The following WDR37 variants were observed in gnomAD, a reference collection of about 807,000 sequenced individuals.
WDR37 encodes WD repeat domain 37, also known as WD repeat-containing protein 37.
A neutral mutation model predicts 62.9 loss-of-function variants in WDR37; 19 were observed. The ratio of observed to expected loss-of-function variants is 0.30; its 90% CI spans 0.21 to 0.44. The LOEUF is 0.44. Among genes scored for constraint, WDR37 ranks in the 20% least tolerant of loss-of-function variants. The pLI is 1.00. For missense variants in WDR37, 474 were observed against 657.6 expected (o/e 0.72, Z 3.05); for synonymous variants, 250 against 260.9 (o/e 0.96, Z 0.40).
At chr10:1,079,881 A>G in intron 3 of WDR37, 130 bp from the exon 4 acceptor site, 1 of 684,526 alleles carries the variant, frequency 1.5e-6, no homozygotes, top group Non-Finnish European at 2.4e-6. Flanking sequence ...TGCTTATTAG[A>G]ATATTATTCA....
In WDR37 at chr10:1,103,346, G is replaced by A. The variant is rs144708892; in HGVS notation, c.727-256G>A. Among the ~76,000 whole-genome samples the A allele has an allele frequency of 2.0e-5, 3 of 152,222 alleles. No individual in the cohort carries two copies. The highest frequency in any genetic ancestry group is 4.4e-5 in the Non-Finnish European group (3 of 68,006). ...GATGCGTGGAAATAAATGGTAGTTC[G>A]GTTGACAATGTTGTGGATTCCACTT... On this transcript the variant is annotated intron_variant, in intron 9 of 13. Transcript: ENST00000263150. The surrounding 1 kb of genome is among the most constrained non-coding windows in gnomAD (Gnocchi z 6.3).
At chr10:1,120,418 G>C (rs1303238711) in intron 11 of WDR37, among the ~76,000 whole-genome samples, 2 of 152,216 alleles carry the variant, frequency 1.3e-5, no homozygotes, top group Non-Finnish European at 2.9e-5. Flanking sequence ...GGTGTCCTTT[G>C]GTTACTTACT....
chr10:1,086,792 T>C (rs1834216553), intron 7 of WDR37, among the ~76,000 whole-genome samples: 1 of 149,674 alleles, frequency 6.7e-6, no homozygotes, highest in Non-Finnish European at 1.5e-5. Flanking sequence ...GCTGTCCACG[T>C]AGTTAACGCT....
chr10:1,128,457 T>C (rs1354091302), intron 13 of WDR37, among the ~76,000 whole-genome samples: 1 of 152,288 alleles, frequency 6.6e-6, no homozygotes, highest in Non-Finnish European at 1.5e-5. Context: ...TAACTGGAAT[T>C]GCTGAAGATG....
intron 1 of WDR37, among the ~76,000 whole-genome samples, chr10:1,064,288 CAGAGCCTCA>C (rs1361894669): frequency 2.0e-5 from 3 of 152,042 alleles, no homozygotes; most frequent in African/African-American, 7.2e-5. Context: ...AAAAAGTGAG[CAGAGCCTCA>C]GGGGCCCGTG....
intron 2 of WDR37, among the ~76,000 whole-genome samples, chr10:1,073,725 C>T (rs867561326): frequency 1.3e-5 from 2 of 152,204 alleles, no homozygotes; most frequent in African/African-American, 4.8e-5. Flanking sequence ...CTAGTTCCTC[C>T]TGAGGCCTCT....
Position 1,105,706 on chromosome 10 carries a change from A to C in WDR37, c.1103+439A>C, listed in dbSNP as rs554949374. 4.4e-4 allele frequency among the ~76,000 whole-genome samples: 67 copies of C among 152,242 alleles called. No individual in the cohort carries two copies. Among genetic ancestry groups the C allele is most frequent in the African/African-American group, 1.6e-3 (65 of 41,562 alleles). ...TGGTATATTCTGGGAGAAGGTATAC[A>C]CATAGACGCGCAAACACAGACATAG... On this transcript the variant is annotated intron_variant, in intron 11 of 13. Coordinates refer to ENST00000263150, the MANE Select transcript of WDR37 (RefSeq NM_014023.4). This position sits in a 1 kb window ranked among gnomAD's most constrained non-coding sequence, Gnocchi z 5.3.
intron 9 of WDR37, 127 bp downstream of exon 9, chr10:1,096,373 C>G: frequency 1.0e-6 from 1 of 999,874 alleles, no homozygotes; most frequent in Non-Finnish European, 1.5e-6. Flanking sequence ...AGGCCTCACC[C>G]CCGGTATGGT....
At chr10:1,065,055 A>G (rs1250630058) in intron 1 of WDR37, among the ~76,000 whole-genome samples, 1 of 152,182 alleles carries the variant, frequency 6.6e-6, no homozygotes, top group African/African-American at 2.4e-5. Context: ...GAAAATAACA[A>G]ATAAAGGAAA....
intron 11 of WDR37, among the ~76,000 whole-genome samples, chr10:1,115,357 A>G (rs1220913907): frequency 1.3e-5 from 2 of 152,226 alleles, no homozygotes; most frequent in African/African-American, 2.4e-5. Flanking sequence ...ATTTTAAAAG[A>G]TCAGTTGAGA....
chr10:1,105,338 T>C lies in WDR37; in HGVS notation c.1103+71T>C. 6.6e-7 allele frequency: 1 copy of C among 1,524,310 alleles called. No homozygotes were observed. Among genetic ancestry groups the C allele is most frequent in the Non-Finnish European group, 8.9e-7 (1 of 1,121,696 alleles). The allele number at this position is 1,524,310 out of a possible 1,614,324, so 94.4% of individuals were successfully genotyped here. Reference sequence around the variant, plus strand: ...TCTGTGGGTTGACATGAAAACTTAATTCTAGCCTTAATTTTCAGTATTTCC... The same window carrying C: ...TCTGTGGGTTGACATGAAAACTTAACTCTAGCCTTAATTTTCAGTATTTCC... On this transcript the variant is annotated intron_variant, in intron 11 of 13. Coordinates refer to ENST00000263150, the MANE Select transcript of WDR37 (RefSeq NM_014023.4). The surrounding 1 kb of genome is among the most constrained non-coding windows in gnomAD (Gnocchi z 5.3).
intron 1 of WDR37, among the ~76,000 whole-genome samples, chr10:1,065,853 TAGA>T (rs1327725885): frequency 3.3e-5 from 5 of 151,824 alleles, no homozygotes; most frequent in Non-Finnish European, 7.4e-5. Context: ...TAAAAGGAAA[TAGA>T]AGGCTTACAA....
chr10:1,069,389 A>ATATATATATATATTTTTTTTTTTTTTTT, intron 1 of WDR37, among the ~76,000 whole-genome samples: 3 of 95,780 alleles, frequency 3.1e-5, no homozygotes, highest in African/African-American at 9.4e-5. Flanking sequence ...ATATATATAT[A>ATATATATATATATTTTTTTTTTTTTTTT]TTTTTTTTTT....
intron 5 of WDR37, among the ~76,000 whole-genome samples, chr10:1,082,855 G>C (rs1834074235): frequency 6.6e-6 from 1 of 152,188 alleles, no homozygotes; most frequent in African/African-American, 2.4e-5. Flanking sequence ...CCTGCGAATG[G>C]AGCAGGTGAA....
chr10:1,088,054 ACT>A (rs1435242527), intron 7 of WDR37, among the ~76,000 whole-genome samples: 1 of 151,682 alleles, frequency 6.6e-6, no homozygotes, highest in Non-Finnish European at 1.5e-5. Context: ...CTCATAAACA[ACT>A]CTCTGCCAGC....
At chr10:1,102,550 G>C (rs1173979880) in intron 9 of WDR37, among the ~76,000 whole-genome samples, 2 of 152,038 alleles carry the variant, frequency 1.3e-5, no homozygotes, top group African/African-American at 4.8e-5. Flanking sequence ...GGCGAAGCGG[G>C]AGAAGGCGTC....
intron 11 of WDR37, among the ~76,000 whole-genome samples, chr10:1,111,015 G>A (rs911693767): frequency 6.6e-6 from 1 of 152,218 alleles, no homozygotes; most frequent in African/African-American, 2.4e-5. Context: ...TGTGTTCTTA[G>A]GAAGTTTGCT....
At chr10:1,080,811 C>T (rs904629802) in intron 5 of WDR37, among the ~76,000 whole-genome samples, 2 of 151,592 alleles carry the variant, frequency 1.3e-5, no homozygotes, top group Middle Eastern at 3.2e-3. Context: ...GAGGCTGAGG[C>T]ATGAGAATTG....
At chr10:1,078,588 A>G (rs1021886225) in intron 3 of WDR37, among the ~76,000 whole-genome samples, 8 of 152,208 alleles carry the variant, frequency 5.3e-5, no homozygotes, top group East Asian at 1.9e-4. Flanking sequence ...TTTTAGATCT[A>G]TCCGCTTTAG....
Sources: allele counts gnomAD v4.1 joint callset (sites outside exome capture counted in the v4.1 genomes callset), GRCh38; gene constraint gnomAD v4.1.1; non-coding constraint Gnocchi (gnomAD v3.1); transcripts MANE v1.5; gene names NCBI Gene and HGNC (gene_info 2026-07-23, HGNC 2026-07-21).